The following PKP4 variants were observed in gnomAD, a reference collection of about 807,000 sequenced individuals.
The protein encoded by PKP4 is plakophilin 4.
PKP4 carries 90 observed loss-of-function variants against 145.1 expected under a neutral mutation model. The ratio of observed to expected loss-of-function variants is 0.62; its 90% CI spans 0.52 to 0.74. The LOEUF is 0.74. Among genes scored for constraint, PKP4 ranks in the 30% least tolerant of loss-of-function variants. The pLI is 0.00. For synonymous variants in PKP4, 563 were observed against 577.2 expected, an observed-to-expected ratio of 0.98 and a Z score of 0.35; for missense variants, 1,340 against 1,482.7, an observed-to-expected ratio of 0.90 and a Z score of 1.58.
At chr2:158,663,251 C>G in intron 14 of PKP4, 21 bp from the exon 15 acceptor site, 1 of 1,607,082 alleles carries the variant, frequency 6.2e-7, no homozygotes, top group East Asian at 2.2e-5. Flanking sequence ...CTCCATTTAA[C>G]GTGTGCTGTT....
chr2:158,620,258 A>G (rs1304618636), intron 4 of PKP4, among the ~76,000 whole-genome samples: 1 of 144,846 alleles, frequency 6.9e-6, no homozygotes, highest in South Asian at 2.2e-4. Context: ...AATTGGGAAA[A>G]GGAAGCATGA....
At chr2:158,637,696 T>A (rs1373257439) in intron 9 of PKP4, among the ~76,000 whole-genome samples, 1 of 152,204 alleles carries the variant, frequency 6.6e-6, no homozygotes, top group Admixed American at 6.5e-5. Flanking sequence ...TTTTCGAGGG[T>A]CTAAAAACAG....
At chr2:158,467,567 TG>T (rs1411701628) in intron 1 of PKP4, among the ~76,000 whole-genome samples, 4 of 143,168 alleles carry the variant, frequency 2.8e-5, no homozygotes, top group East Asian at 4.1e-4. Context: ...AAAAAAAATG[TG>T]GGCACGGTGG....
At chr2:158,523,096 C>A (rs1342631037) in intron 1 of PKP4, among the ~76,000 whole-genome samples, 4 of 152,244 alleles carry the variant, frequency 2.6e-5, no homozygotes, top group African/African-American at 9.6e-5. Flanking sequence ...GTAAACAAAG[C>A]AGCCTCAAAG....
At position 158,680,479 on chromosome 2, in the gene PKP4, T is replaced by C. The variant is rs1176968090; in HGVS notation, c.3381T>C (p.Asp1127=). The change falls in exon 22 of 22, where the codon GAT becomes GAC. Residue 1127 remains aspartate (D), a synonymous_variant. Transcript: ENST00000389759. The stretch of plus-strand genomic sequence containing the variant: ...ATGACTCCAACAGAAAGAACTTTGA[T>C]GCATACAGATTGTATTTGCAGTCTC... The part of the protein sequence containing the change: ...SQDDSNRKNF[D]AYRLYLQSPH... 3.1e-6 allele frequency: 5 copies of C among 1,612,866 alleles called. No individual in the cohort carries two copies. Among genetic ancestry groups the C allele is most frequent in the Non-Finnish European group, 4.2e-6 (5 of 1,178,836 alleles).
intron 1 of PKP4, among the ~76,000 whole-genome samples, chr2:158,521,276 A>T (rs1315863676): frequency 6.6e-6 from 1 of 152,162 alleles, no homozygotes; most frequent in African/African-American, 2.4e-5. Flanking sequence ...TTGTGTATTG[A>T]CTACTCATTG....
intron 1 of PKP4, among the ~76,000 whole-genome samples, chr2:158,509,947 C>A (rs370483411): frequency 2.6e-3 from 352 of 133,892 alleles, no homozygotes; most frequent in South Asian, 3.3e-3. Context: ...AACTCCATCT[C>A]AAAAAAAAAA....
chr2:158,636,724 G>A (rs2105922864), intron 9 of PKP4, among the ~76,000 whole-genome samples: 1 of 151,816 alleles, frequency 6.6e-6, no homozygotes, highest in African/African-American at 2.4e-5. Context: ...CTGTATTCTT[G>A]TAATCAGAAA....
rs563196029 is a variant in PKP4 at position 158,479,371 on chromosome 2, A to G, written c.-6+22153A>G. 1.3e-3 allele frequency among the ~76,000 whole-genome samples: 197 copies of G among 152,050 alleles called. 1 individual carries two copies. The highest frequency in any genetic ancestry group is 4.6e-3 in the African/African-American group (190 of 41,504). ...CTCGAGTAGCTGGAACAACAGGCATATGCCACCATGCCCGGTTAATTTTTG... is the reference window on the plus strand; with the variant it reads ...CTCGAGTAGCTGGAACAACAGGCATGTGCCACCATGCCCGGTTAATTTTTG... On this transcript the variant is annotated intron_variant, in intron 1 of 21. Coordinates refer to ENST00000389759, the MANE Select transcript of PKP4 (RefSeq NM_003628.6).
At chr2:158,517,588 A>G (rs2042034292) in intron 1 of PKP4, among the ~76,000 whole-genome samples, 1 of 152,208 alleles carries the variant, frequency 6.6e-6, no homozygotes, top group Non-Finnish European at 1.5e-5. Flanking sequence ...TCAATAATAC[A>G]TTAAATAAAT....
chr2:158,530,472 C>T (rs1221183904), intron 1 of PKP4, among the ~76,000 whole-genome samples: 1 of 147,700 alleles, frequency 6.8e-6, no homozygotes, highest in Non-Finnish European at 1.5e-5. Flanking sequence ...TAATTTCTCA[C>T]AGTCTCTTTA....
chr2:158,590,149 TTAAA>T (rs1367481235), intron 3 of PKP4, among the ~76,000 whole-genome samples: 1 of 152,088 alleles, frequency 6.6e-6, no homozygotes, highest in Non-Finnish European at 1.5e-5. Context: ...TACTCCACAA[TTAAA>T]TAGGAGAAAA....
At chr2:158,532,558 A>C (rs953967012) in intron 1 of PKP4, among the ~76,000 whole-genome samples, 4 of 152,230 alleles carry the variant, frequency 2.6e-5, no homozygotes, top group Non-Finnish European at 5.9e-5. Flanking sequence ...AGTCCATATC[A>C]GGTCAGTAAG....
intron 2 of PKP4, among the ~76,000 whole-genome samples, chr2:158,570,207 T>C (rs186158679): frequency 2.6e-4 from 39 of 152,340 alleles, no homozygotes; most frequent in Non-Finnish European, 8.8e-5. Flanking sequence ...TTTGTAAATA[T>C]GACTACTTTG....
chr2:158,597,339 G>A (rs1013914597), intron 3 of PKP4, among the ~76,000 whole-genome samples: 1 of 152,170 alleles, frequency 6.6e-6, no homozygotes, highest in African/African-American at 2.4e-5. Context: ...CCCAAAGAGT[G>A]AAGATCAGCT....
intron 12 of PKP4, 99 bp downstream of exon 12, chr2:158,658,413 A>G (rs529416896): frequency 1.4e-6 from 1 of 719,460 alleles, no homozygotes; most frequent in African/African-American, 1.8e-5. Flanking sequence ...CATCTATCTA[A>G]GTTTCCAGTT....
intron 2 of PKP4, among the ~76,000 whole-genome samples, chr2:158,553,290 G>A (rs758251139): frequency 6.6e-6 from 1 of 152,132 alleles, no homozygotes; most frequent in Non-Finnish European, 1.5e-5. Context: ...TAGAGAGAAC[G>A]CCAAGGATGT....
chr2:158,679,769 C>G (rs1046070431), intron 21 of PKP4, among the ~76,000 whole-genome samples: 1 of 152,190 alleles, frequency 6.6e-6, no homozygotes, highest in Non-Finnish European at 1.5e-5. Context: ...TTGGGGAAGC[C>G]TTTTCCTCTA....
intron 11 of PKP4, among the ~76,000 whole-genome samples, chr2:158,655,840 C>T (rs2055860372): frequency 6.6e-6 from 1 of 152,206 alleles, no homozygotes; most frequent in East Asian, 1.9e-4. Flanking sequence ...CCTGGAGGCC[C>T]CATCAGGGCC....
Sources: allele counts gnomAD v4.1 joint callset (sites outside exome capture counted in the v4.1 genomes callset), GRCh38; gene constraint gnomAD v4.1.1; transcripts MANE v1.5; gene names NCBI Gene and HGNC (gene_info 2026-07-23, HGNC 2026-07-21).